The following SNX14 variants were observed in gnomAD, a reference collection of about 807,000 sequenced individuals.
The protein encoded by SNX14 is sorting nexin 14, also known as sorting nexin-14.
SNX14 carries 93 observed loss-of-function variants against 133.8 expected under a neutral mutation model. The observed-to-expected ratio is 0.70, with a 90% CI of 0.59 to 0.83. SNX14 has a LOEUF of 0.83. SNX14 is among the 40% of genes least tolerant of loss of function. The probability of loss-of-function intolerance (pLI) is 0.00; values close to 1 mark genes in which losing one functional copy is unlikely to be tolerated. For synonymous variants in SNX14, 368 were observed against 365.6 expected (o/e 1.01, Z -0.07); for missense variants, 945 against 1,094.9 (o/e 0.86, Z 1.93).
chr6:85,526,513 C>T (rs1276883547), intron 20 of SNX14, among the ~76,000 whole-genome samples: 1 of 152,062 alleles, frequency 6.6e-6, no homozygotes. Context: ...AGTTTCCTAA[C>T]TTATAAAATG....
intron 19 of SNX14, among the ~76,000 whole-genome samples, chr6:85,529,665 A>G (rs1779625036): frequency 6.6e-6 from 1 of 152,210 alleles, no homozygotes; most frequent in African/African-American, 2.4e-5. Context: ...TATAATAATC[A>G]TCCTTATCAC....
chr6:85,550,580 C>A (rs1787422253), intron 7 of SNX14, among the ~76,000 whole-genome samples: 1 of 152,096 alleles, frequency 6.6e-6, no homozygotes, highest in Non-Finnish European at 1.5e-5. Flanking sequence ...CTCACTGTAG[C>A]CTCGACCTCC....
intron 23 of SNX14, among the ~76,000 whole-genome samples, chr6:85,516,099 A>C (rs1186652974): frequency 6.6e-6 from 1 of 152,156 alleles, no homozygotes; most frequent in Non-Finnish European, 1.5e-5. Flanking sequence ...AAAAAATATC[A>C]CATCCTACTT....
At chr6:85,533,043 C>T (rs1780761228) in intron 18 of SNX14, among the ~76,000 whole-genome samples, 1 of 152,096 alleles carries the variant, frequency 6.6e-6, no homozygotes, top group Non-Finnish European at 1.5e-5. Flanking sequence ...CGCACCAAGA[C>T]GTGTGGCTAA....
intron 18 of SNX14, among the ~76,000 whole-genome samples, chr6:85,531,701 T>A (rs1780359156): frequency 6.6e-6 from 1 of 152,194 alleles, no homozygotes; most frequent in Non-Finnish European, 1.5e-5. Flanking sequence ...AGTAGAAGTC[T>A]GCAGCACTGT....
At chr6:85,522,567 T>G (rs2127925010) in intron 21 of SNX14, among the ~76,000 whole-genome samples, 1 of 152,278 alleles carries the variant, frequency 6.6e-6, no homozygotes. Flanking sequence ...AGTTTACAAT[T>G]TTCTCTATAA....
Position 85,575,037 on chromosome 6 carries a change from G to A in SNX14, c.141-659C>T, listed in dbSNP as rs545279339. Among the ~76,000 whole-genome samples, 4 of 152,322 alleles carry A rather than the reference G, an allele frequency of 2.6e-5. No individual in the cohort carries two copies. The South Asian group carries it at 6.2e-4, about 24-fold the overall frequency. On this transcript the variant is annotated intron_variant, in intron 1 of 28. Transcript: ENST00000314673. Reference sequence around the variant, plus strand: ...ACAGAAGAGGATAGGATAGAGGTATGGGAGACTGGAGAAGAGGCAGGGGAA... The same window carrying A: ...ACAGAAGAGGATAGGATAGAGGTATAGGAGACTGGAGAAGAGGCAGGGGAA...
intron 14 of SNX14, among the ~76,000 whole-genome samples, chr6:85,542,426 G>C (rs1418750386): frequency 6.6e-6 from 1 of 152,038 alleles, no homozygotes; most frequent in African/African-American, 2.4e-5. Flanking sequence ...ACAGAGTCTC[G>C]CTTTGTTGCC....
intron 1 of SNX14, among the ~76,000 whole-genome samples, chr6:85,576,866 T>C (rs1164387864): frequency 2.0e-5 from 3 of 152,120 alleles, no homozygotes; most frequent in African/African-American, 7.2e-5. Context: ...ATTAAGAGAT[T>C]TAAGAAGATT....
At chr6:85,522,992 G>A (rs4707211) in intron 21 of SNX14, among the ~76,000 whole-genome samples, 70,455 of 152,034 alleles carry the variant, frequency 0.46, 17,738 homozygotes, top group Middle Eastern at 0.59. Context: ...TCCCTAAGAA[G>A]AACCAGCCGT....
At chr6:85,566,261 TA>T (rs2128171132) in intron 5 of SNX14, among the ~76,000 whole-genome samples, 1 of 152,356 alleles carries the variant, frequency 6.6e-6, no homozygotes, top group East Asian at 1.9e-4. Context: ...CCATCAGCTT[TA>T]GTTAAATGGC....
At chr6:85,552,588 TAATAAC>T (rs1351335505) in intron 7 of SNX14, among the ~76,000 whole-genome samples, 2 of 151,954 alleles carry the variant, frequency 1.3e-5, no homozygotes, top group African/African-American at 4.8e-5. Flanking sequence ...AACAAGAAAA[TAATAAC>T]ATAAACAATT....
intron 23 of SNX14, among the ~76,000 whole-genome samples, chr6:85,516,996 C>T (rs1277271168): frequency 1.3e-5 from 2 of 152,000 alleles, no homozygotes; most frequent in Admixed American, 1.3e-4. Flanking sequence ...CCACACTATT[C>T]GATGGTGAAA....
chr6:85,547,702 G>A (rs1582828159), intron 9 of SNX14, 152 bp from the exon 10 acceptor site: 1 of 604,416 alleles, frequency 1.7e-6, no homozygotes, highest in African/African-American at 1.9e-5. Context: ...TATTACAGCA[G>A]GAGTTTTTTT....
intron 1 of SNX14, among the ~76,000 whole-genome samples, chr6:85,585,572 A>G (rs1299562667): frequency 6.6e-6 from 1 of 152,234 alleles, no homozygotes; most frequent in Non-Finnish European, 1.5e-5. Flanking sequence ...GAAAAAATTA[A>G]TAAAACAACC....
chr6:85,506,735 T>C (rs937154197), intron 28 of SNX14, among the ~76,000 whole-genome samples: 4 of 152,224 alleles, frequency 2.6e-5, no homozygotes, highest in African/African-American at 4.8e-5. Context: ...CCAAAAGGAT[T>C]AGTCAAAAAA....
At chr6:85,549,594 A>C in intron 8 of SNX14, 129 bp downstream of exon 8, 1 of 550,106 alleles carries the variant, frequency 1.8e-6, no homozygotes, top group Non-Finnish European at 2.7e-6. Flanking sequence ...TAACTTAATA[A>C]ATTTTTTCAA....
intron 1 of SNX14, among the ~76,000 whole-genome samples, chr6:85,577,479 G>A (rs1797714260): frequency 6.6e-6 from 1 of 152,012 alleles, no homozygotes; most frequent in East Asian, 1.9e-4. Flanking sequence ...CTTTGGGCAT[G>A]TTAAGTTTCA....
At chr6:85,546,181 G>A (rs113330473) in intron 12 of SNX14, among the ~76,000 whole-genome samples, 2,126 of 151,876 alleles carry the variant, frequency 0.014, 46 homozygotes, top group African/African-American at 0.049. Context: ...GATCTCTTGG[G>A]AAGGATCCTA....
Sources: allele counts gnomAD v4.1 joint callset (sites outside exome capture counted in the v4.1 genomes callset), GRCh38; gene constraint gnomAD v4.1.1; transcripts MANE v1.5; gene names NCBI Gene and HGNC (gene_info 2026-07-23, HGNC 2026-07-21).